GPAT4: variants seen among roughly 807,000 people sequenced by gnomAD.
The protein encoded by GPAT4 is glycerol-3-phosphate acyltransferase 4.
A neutral mutation model predicts 58.0 loss-of-function variants in GPAT4; 17 were observed. The observed-to-expected ratio is 0.29, with a 90% CI of 0.20 to 0.44. GPAT4 has a LOEUF of 0.44. GPAT4 is among the 20% of genes least tolerant of loss of function. The pLI is 1.00. For missense variants in GPAT4, 377 were observed against 574.5 expected (o/e 0.66, Z 3.51); for synonymous variants, 204 against 210.1 (o/e 0.97, Z 0.25).
At chr8:41,579,134 T>C (rs1802441696) in intron 1 of GPAT4, among the ~76,000 whole-genome samples, 1 of 152,244 alleles carries the variant, frequency 6.6e-6, no homozygotes, top group South Asian at 2.1e-4. Flanking sequence ...TACCAAAGTC[T>C]CCAGACAAAA....
chr8:41,618,595 C>T (rs1803660417), intron 10 of GPAT4, 89 bp from the exon 11 acceptor site: 2 of 1,522,968 alleles, frequency 1.3e-6, no homozygotes, highest in African/African-American at 2.7e-5. Context: ...CCAGCACGGC[C>T]CAGTGGAGTC....
chr8:41,594,169 T>C (rs181191449), intron 1 of GPAT4, among the ~76,000 whole-genome samples: 284 of 152,284 alleles, frequency 1.9e-3, no homozygotes, highest in Middle Eastern at 0.01. Flanking sequence ...GAAAAACCCA[T>C]TGTGTTTTTA....
chr8:41,593,643 G>A (rs927796447), intron 1 of GPAT4, among the ~76,000 whole-genome samples: 2 of 152,278 alleles, frequency 1.3e-5, no homozygotes, highest in South Asian at 4.1e-4. Context: ...AGTCTCTGTG[G>A]TTAACAGCAC....
intron 1 of GPAT4, among the ~76,000 whole-genome samples, chr8:41,590,955 A>G (rs952890591): frequency 6.6e-6 from 1 of 152,212 alleles, no homozygotes; most frequent in Admixed American, 6.5e-5. Flanking sequence ...AGGACGAGCC[A>G]TAGTCAAGAA....
intron 1 of GPAT4, among the ~76,000 whole-genome samples, chr8:41,582,444 T>TACACACACACACAC (rs71548104): frequency 1.4e-5 from 2 of 141,614 alleles, no homozygotes; most frequent in African/African-American, 5.2e-5. Flanking sequence ...TGGGAAAGTA[T>TACACACACACACAC]ACACACACAC....
At chr8:41,615,450 TTG>T (rs377126854) in intron 10 of GPAT4, among the ~76,000 whole-genome samples, 6,438 of 61,012 alleles carry the variant, frequency 0.11, 342 homozygotes, top group African/African-American at 0.27. Flanking sequence ...GCCATGAGGA[TTG>T]GGGGGGGGGT....
chr8:41,617,949 C>T (rs1302401136), intron 10 of GPAT4, among the ~76,000 whole-genome samples: 2 of 152,232 alleles, frequency 1.3e-5, no homozygotes, highest in African/African-American at 4.8e-5. Flanking sequence ...TGCTCACCTG[C>T]CCCTCCAGCT....
Position 41,612,978 on chromosome 8 carries a change from G to C in GPAT4, c.911+18G>C, listed in dbSNP as rs1255453128. 2 of 1,603,646 alleles carry C rather than the reference G, an allele frequency of 1.2e-6. No homozygotes were observed. Among genetic ancestry groups the C allele is most frequent in the South Asian group, 2.2e-5 (2 of 90,686 alleles). On this transcript the variant is annotated intron_variant, in intron 8 of 12. Coordinates refer to ENST00000396987, the MANE Select transcript of GPAT4 (RefSeq NM_178819.4). ...GCTAAGAGGTAATGGACAGAACACT[G>C]CTGTTCTGCTTGGCCAGTTAGAATG...
At position 41,612,215 on chromosome 8, in the gene GPAT4, C is replaced by G. The variant is rs745496588; in HGVS notation, c.737C>G (p.Ala246Gly). 3.7e-6 allele frequency: 6 copies of G among 1,614,112 alleles called. No homozygotes were observed. The Admixed American group carries it at 8.3e-5, about 22-fold the overall frequency. The change falls in exon 7 of 13, where the codon GCC becomes GGC. Residue 246 changes from alanine (A) to glycine (G), a missense_variant. By Grantham distance (60) the Ala-to-Gly change is moderately conservative. Transcript: ENST00000396987. ...NRPRNGGICV[A>G]NHTSPIDVII... ...CCAAGAAATGGTGGCATCTGTGTGG[C>G]CAATCATACCTCACCGATCGATGTG...
chr8:41,585,550 A>G (rs1399494444), intron 1 of GPAT4, among the ~76,000 whole-genome samples: 2 of 152,170 alleles, frequency 1.3e-5, no homozygotes, highest in Non-Finnish European at 2.9e-5. Context: ...AGAAGCTTCT[A>G]TTTATAGAGG....
chr8:41,596,274 CAAAG>C, intron 1 of GPAT4, among the ~76,000 whole-genome samples: 1 of 152,164 alleles, frequency 6.6e-6, no homozygotes, highest in East Asian at 1.9e-4. Flanking sequence ...CACCACAAAA[CAAAG>C]AACGGGTAAA....
intron 3 of GPAT4, 61 bp from the exon 4 acceptor site, chr8:41,609,594 T>C: frequency 6.2e-7 from 1 of 1,603,242 alleles, no homozygotes. Context: ...ATGTGTGCTC[T>C]GAGTATGTCT....
At chr8:41,619,876 T>C (rs903077708) in intron 12 of GPAT4, among the ~76,000 whole-genome samples, 1 of 152,234 alleles carries the variant, frequency 6.6e-6, no homozygotes, top group African/African-American at 2.4e-5. Flanking sequence ...ACTCACTGTG[T>C]GCCAGTCACT....
Position 41,611,979 on chromosome 8 carries a change from A to G in GPAT4, c.688A>G (p.Thr230Ala), listed in dbSNP as rs777651640. 6.2e-7 allele frequency: 1 copy of G among 1,614,106 alleles called. No homozygotes were observed. ...CGTGCGAGCGCTGACAGCCATCATCACCTACCATGACAGGTGAGAGCGCTT... is the reference window on the plus strand; with the variant it reads ...CGTGCGAGCGCTGACAGCCATCATCGCCTACCATGACAGGTGAGAGCGCTT... ...ICVRALTAII[T>A]YHDRENRPRN... is the part of the protein sequence containing the mutation. The change falls in exon 6 of 13, where the codon ACC becomes GCC. Residue 230 changes from threonine (T) to alanine (A), a missense_variant. Physicochemically the swap from Thr to Ala is moderately conservative, Grantham distance 58. Coordinates refer to ENST00000396987, the MANE Select transcript of GPAT4 (RefSeq NM_178819.4).
chr8:41,588,403 A>G (rs1802707566), intron 1 of GPAT4, among the ~76,000 whole-genome samples: 1 of 152,122 alleles, frequency 6.6e-6, no homozygotes, highest in South Asian at 2.1e-4. Context: ...ATACCTTGTG[A>G]TTGGGAGAGA....
chr8:41,593,695 T>C (rs534350012), intron 1 of GPAT4, among the ~76,000 whole-genome samples: 1 of 152,334 alleles, frequency 6.6e-6, no homozygotes, highest in South Asian at 2.1e-4. Flanking sequence ...TTCCCTTCTT[T>C]TCACCCTTTG....
intron 1 of GPAT4, chr8:41,584,632 T>A (rs2150480438): frequency 6.6e-6 from 1 of 152,312 alleles, no homozygotes; most frequent in East Asian, 1.9e-4. Context: ...TTTCAAGAAC[T>A]GGTATTGAAA....
rs1803376469 is a variant in GPAT4 at position 41,609,469 on chromosome 8, C to T, written c.219C>T (p.Tyr73=). The T allele has an allele frequency of 6.2e-7, 1 of 1,614,172 alleles. No homozygotes were observed. The highest frequency in any genetic ancestry group is 2.2e-5 in the East Asian group (1 of 44,872). Reference sequence around the variant, plus strand: ...CCAAGGAGAAGAACCACCAGCTTTACAAGCCCTACACCAACGGTAAGATGG... The same window carrying T: ...CCAAGGAGAAGAACCACCAGCTTTATAAGCCCTACACCAACGGTAAGATGG... ...RGAKEKNHQL[Y]KPYTNGIIAK... is the part of the protein sequence containing the mutation. Residue 73 remains tyrosine (Y), a synonymous_variant, in exon 3 of 13, where the codon TAC becomes TAT. Transcript: ENST00000396987.
chr8:41,612,143 A>G (rs766414290), intron 6 of GPAT4, 37 bp from the exon 7 acceptor site: 4 of 1,609,076 alleles, frequency 2.5e-6, no homozygotes, highest in Non-Finnish European at 3.4e-6. Flanking sequence ...ACTGTTTCAC[A>G]CTAATTTTGG....
Sources: gnomAD v4.1 joint callset for allele counts (sites outside exome capture counted in the v4.1 genomes callset) on GRCh38, gnomAD v4.1.1 for gene constraint, MANE v1.5 for transcripts, NCBI Gene and HGNC (gene_info 2026-07-23, HGNC 2026-07-21) for gene names.